FBXL4: variants seen among roughly 807,000 people sequenced by gnomAD.
FBXL4 encodes the protein F-box/LRR-repeat protein 4.
Under a neutral mutation model 58.9 loss-of-function variants are expected in FBXL4, and 40 were observed. That is an observed-to-expected ratio of 0.68 (90% confidence interval 0.53 to 0.88). FBXL4 has a LOEUF of 0.88. FBXL4 is among the 40% of genes least tolerant of loss of function. The pLI is 0.00. For missense variants in FBXL4, 676 were observed against 734.4 expected (o/e 0.92, Z 0.92); for synonymous variants, 263 against 265.5 (o/e 0.99, Z 0.09).
chr6:98,935,319 T>C (rs1235075369), intron 1 of FBXL4, among the ~76,000 whole-genome samples: 5 of 151,734 alleles, frequency 3.3e-5, no homozygotes, highest in Non-Finnish European at 2.9e-5. Flanking sequence ...TTTTTTTTTT[T>C]CTGATATAAT....
At chr6:98,920,949 A>C (rs1453672399) in intron 4 of FBXL4, among the ~76,000 whole-genome samples, 1 of 152,092 alleles carries the variant, frequency 6.6e-6, no homozygotes, top group East Asian at 1.9e-4. Flanking sequence ...GTAATAGTAC[A>C]TTTACATGTT....
At chr6:98,907,562 T>A (rs1282324341) in intron 5 of FBXL4, among the ~76,000 whole-genome samples, 2 of 152,176 alleles carry the variant, frequency 1.3e-5, no homozygotes, top group East Asian at 1.9e-4. Flanking sequence ...TTCTAAACAG[T>A]TGGGGGCTTC....
At chr6:98,932,377 T>C (rs1237158436) in intron 2 of FBXL4, among the ~76,000 whole-genome samples, 1 of 152,216 alleles carries the variant, frequency 6.6e-6, no homozygotes, top group Non-Finnish European at 1.5e-5. Context: ...AGGAAACAAC[T>C]TGCTTTTATA....
rs538654114 is a variant in FBXL4 at position 98,889,133 on chromosome 6, A to G, written c.1318-8509T>C. Among the ~76,000 whole-genome samples, 3 of 152,370 alleles carry G rather than the reference A, an allele frequency of 2.0e-5. No individual in the cohort carries two copies. In the South Asian group the frequency reaches 6.2e-4, roughly 32 times the overall value. ...TTATAACTGGAGAGAAAGGCAAGAG[A>G]CAAGTTCAACGTGAACAGTTTTTAT... On this transcript the variant is annotated intron_variant, in intron 7 of 9. Coordinates refer to ENST00000369244, the MANE Select transcript of FBXL4 (RefSeq NM_001278716.2).
chr6:98,897,030 T>C (rs1020265283), intron 7 of FBXL4: 34 of 984,688 alleles, frequency 3.5e-5, no homozygotes, highest in Non-Finnish European at 4.0e-5. Context: ...CAAGCCACAA[T>C]AGATATAAGA....
At chr6:98,936,920 T>C (rs1773241649) in intron 1 of FBXL4, among the ~76,000 whole-genome samples, 1 of 152,200 alleles carries the variant, frequency 6.6e-6, no homozygotes, top group Admixed American at 6.5e-5. Flanking sequence ...GTGTTAAGAG[T>C]AGTTCAGTTC....
intron 2 of FBXL4, among the ~76,000 whole-genome samples, chr6:98,932,910 G>GA (rs572882559): frequency 4.2e-3 from 431 of 101,634 alleles, no homozygotes; most frequent in Non-Finnish European, 5.4e-3. Flanking sequence ...TGAAGTCATA[G>GA]AAAAAAAAAA....
At chr6:98,920,859 C>T (rs1415045596) in intron 4 of FBXL4, among the ~76,000 whole-genome samples, 8 of 150,184 alleles carry the variant, frequency 5.3e-5, no homozygotes, top group Non-Finnish European at 1.2e-4. Context: ...CACACACATT[C>T]TGGAGAAAGC....
intron 7 of FBXL4, among the ~76,000 whole-genome samples, chr6:98,890,636 A>C (rs1039753797): frequency 6.6e-6 from 1 of 152,142 alleles, no homozygotes; most frequent in African/African-American, 2.4e-5. Flanking sequence ...TAAAAGTTGA[A>C]AGCCAGGTGC....
At chr6:98,938,676 G>T (rs987388233) in intron 1 of FBXL4, among the ~76,000 whole-genome samples, 3 of 152,130 alleles carry the variant, frequency 2.0e-5, no homozygotes, top group Non-Finnish European at 4.4e-5. Flanking sequence ...CAAAACACCA[G>T]AGTTAGTCTA....
chr6:98,884,692 T>C (rs1770972845), intron 7 of FBXL4, among the ~76,000 whole-genome samples: 1 of 152,204 alleles, frequency 6.6e-6, no homozygotes, highest in Non-Finnish European at 1.5e-5. Context: ...TTATTTTGTT[T>C]AAAACCCCAA....
chr6:98,925,552 G>C (rs1175407950), intron 4 of FBXL4, among the ~76,000 whole-genome samples: 3 of 152,158 alleles, frequency 2.0e-5, no homozygotes, highest in Non-Finnish European at 4.4e-5. Context: ...ATGTTTATAA[G>C]AGCAAAAGAC....
In FBXL4 at chr6:98,917,658, T is replaced by G; in HGVS notation, c.574A>C (p.Lys192Gln). 6.2e-7 allele frequency: 1 copy of G among 1,613,760 alleles called. No homozygotes were observed. Among genetic ancestry groups the G allele is most frequent in the Non-Finnish European group, 8.5e-7 (1 of 1,179,810 alleles). Residue 192 changes from lysine (K) to glutamine (Q), a missense_variant, in exon 5 of 10, where the codon AAA becomes CAA. Physicochemically the swap from Lys to Gln is moderately conservative, Grantham distance 53. Coordinates refer to ENST00000369244, the MANE Select transcript of FBXL4 (RefSeq NM_001278716.2). ...AAATTTATCTGCTTAATACAAGGTTTAAACTGGCGAGCTTGGGAAGCATTC... is the reference window on the plus strand; with the variant it reads ...AAATTTATCTGCTTAATACAAGGTTGAAACTGGCGAGCTTGGGAAGCATTC... ...KVNASQARQF[K>Q]PCIKQINFPT... is the part of the protein sequence containing the mutation.
chr6:98,899,360 A>T lies in FBXL4; in HGVS notation c.1225T>A (p.Ser409Thr), dbSNP rs1470137357. 1.2e-6 allele frequency: 2 copies of T among 1,613,834 alleles called. No homozygotes were observed. Among genetic ancestry groups the T allele is most frequent in the Non-Finnish European group, 1.7e-6 (2 of 1,179,962 alleles). Residue 409 changes from serine to threonine, a missense_variant, in exon 7 of 10, where the codon TCC becomes ACC. Ser to Thr is a moderately conservative substitution (Grantham distance 58). Transcript: ENST00000369244. ...TGAGGTGGTAGCTTATCACAGGAGG[A>T]GAGATTTAAGGCCTGTAGATTTGGA... ...MCPNLQALNL[S>T]SCDKLPPQAF...
intron 5 of FBXL4, among the ~76,000 whole-genome samples, chr6:98,907,668 A>G (rs1476940120): frequency 6.6e-6 from 1 of 152,138 alleles, no homozygotes; most frequent in African/African-American, 2.4e-5. Context: ...TCTTATTTAG[A>G]TGAGAGAGGG....
At position 98,917,732 on chromosome 6, in the gene FBXL4, G is replaced by T. The variant is rs200592647; in HGVS notation, c.513-13C>A. 9 of 1,566,304 alleles carry T rather than the reference G, an allele frequency of 5.7e-6. No homozygotes were observed. The highest frequency in any genetic ancestry group is 1.2e-5 in the South Asian group (1 of 82,172). ...AAGAATCTCCCATCTGCCAAAAAAA[G>T]AAACTTCCCTATAATACAGTTTAGA... On this transcript the variant is annotated splice_polypyrimidine_tract_variant and intron_variant, in intron 4 of 9. Coordinates refer to ENST00000369244, the MANE Select transcript of FBXL4 (RefSeq NM_001278716.2).
intron 1 of FBXL4, among the ~76,000 whole-genome samples, chr6:98,937,197 C>G (rs1773253136): frequency 6.6e-6 from 1 of 152,008 alleles, no homozygotes; most frequent in African/African-American, 2.4e-5. Context: ...ATAATCCCAA[C>G]TACTCAGGAG....
At chr6:98,883,340 A>G (rs1373096542) in intron 7 of FBXL4, among the ~76,000 whole-genome samples, 9 of 151,894 alleles carry the variant, frequency 5.9e-5, no homozygotes, top group Non-Finnish European at 1.0e-4. Flanking sequence ...TGTCAGTTAT[A>G]TCAGCTATAA....
intron 7 of FBXL4, among the ~76,000 whole-genome samples, chr6:98,895,186 A>C (rs977620027): frequency 6.6e-6 from 1 of 152,198 alleles, no homozygotes; most frequent in Non-Finnish European, 1.5e-5. Flanking sequence ...TACTTACTTA[A>C]AGCAGTTAAT....
Sources: gnomAD v4.1 joint callset for allele counts (sites outside exome capture counted in the v4.1 genomes callset) on GRCh38, gnomAD v4.1.1 for gene constraint, MANE v1.5 for transcripts, NCBI Gene and HGNC (gene_info 2026-07-23, HGNC 2026-07-21) for gene names.